PRMT7: variants seen among roughly 807,000 people sequenced by gnomAD.
PRMT7 encodes the protein protein arginine methyltransferase 7.
PRMT7 carries 75 observed loss-of-function variants against 85.4 expected under a neutral mutation model. The observed-to-expected ratio is 0.88, with a 90% confidence interval of 0.73 to 1.06. PRMT7 has a LOEUF of 1.06. Ranked by LOEUF, PRMT7 falls within the 50% of genes least tolerant of loss-of-function variation. PRMT7 has a pLI of 0.00. For missense variants in PRMT7, 868 were observed against 915.2 expected, an observed-to-expected ratio of 0.95 and a Z score of 0.67; for synonymous variants, 397 against 359.5, an observed-to-expected ratio of 1.10 and a Z score of -1.18.
chr16:68,315,788 C>T (rs546112974), intron 2 of PRMT7, 109 bp from the exon 3 acceptor site: 23 of 587,654 alleles, frequency 3.9e-5, no homozygotes, highest in Admixed American at 3.1e-4. Context: ...TTTTTTTCCC[C>T]GCTTTTGTCT....
chr16:68,312,254 ACT>A (rs2043942897), intron 2 of PRMT7, 78 bp downstream of exon 2: 1 of 141,760 alleles, frequency 7.1e-6, no homozygotes, highest in Non-Finnish European at 1.5e-5. Flanking sequence ...ACAGGGTCTC[ACT>A]CTGTCACCCA....
At chr16:68,316,287 G>T (rs1484705596) in intron 3 of PRMT7, among the ~76,000 whole-genome samples, 1 of 152,174 alleles carries the variant, frequency 6.6e-6, no homozygotes, top group Non-Finnish European at 1.5e-5. Context: ...TTATGTAGCA[G>T]CCTTAGCAGA....
At chr16:68,348,681 C>T (rs1484786333) in intron 14 of PRMT7, among the ~76,000 whole-genome samples, 8 of 126,440 alleles carry the variant, frequency 6.3e-5, no homozygotes, top group Admixed American at 1.0e-4. Flanking sequence ...CTCGCGCTGT[C>T]GTCCAGGCTG....
At chr16:68,345,929 AT>A in intron 10 of PRMT7, 127 bp downstream of exon 10, 1 of 1,434,534 alleles carries the variant, frequency 7.0e-7, no homozygotes, top group East Asian at 2.3e-5. Context: ...AAGAACAAAG[AT>A]TTGTGACCAG....
chr16:68,324,475 T>C (rs1391935953), intron 4 of PRMT7: 5 of 593,034 alleles, frequency 8.4e-6, no homozygotes, highest in Non-Finnish European at 1.5e-5. Context: ...GAAGAGTGAG[T>C]GTGGAGCAGG....
intron 5 of PRMT7, chr16:68,328,050 AATT>A: frequency 5.0e-6 from 1 of 200,862 alleles, no homozygotes; most frequent in Non-Finnish European, 1.1e-5. Context: ...TTAATTTATA[AATT>A]ATTATTTATA....
chr16:68,338,006 G>C (rs1337568634), intron 7 of PRMT7, among the ~76,000 whole-genome samples: 2 of 152,126 alleles, frequency 1.3e-5, no homozygotes, highest in African/African-American at 4.8e-5. Flanking sequence ...CTTAGCAACT[G>C]AGGCTAGAGA....
chr16:68,352,497 A>G lies in PRMT7; in HGVS notation c.1575+88A>G, dbSNP rs544914393. 3.6e-3 allele frequency: 4,858 copies of G among 1,355,186 alleles called. 24 individuals carry two copies. The highest frequency in any genetic ancestry group is 4.1e-3 in the Non-Finnish European group (4,083 of 1,000,128). 83.9% of individuals were successfully genotyped at this position (1,355,186 alleles called of 1,614,324 possible). On this transcript the variant is annotated intron_variant, in intron 15 of 18. Coordinates refer to ENST00000441236, the MANE Select transcript of PRMT7 (RefSeq NM_019023.5). ...TTGCAGGAACCTTGGGTGCCTGTAGAGCGGCTCAGGCCTTGATGATTTGAG... is the reference window on the plus strand; with the variant it reads ...TTGCAGGAACCTTGGGTGCCTGTAGGGCGGCTCAGGCCTTGATGATTTGAG...
chr16:68,333,558 C>T (rs1166291544), intron 6 of PRMT7, among the ~76,000 whole-genome samples: 13 of 151,868 alleles, frequency 8.6e-5, no homozygotes, highest in Non-Finnish European at 1.5e-5. Flanking sequence ...CCAGGCCTCA[C>T]ACAGTCCTTC....
intron 6 of PRMT7, among the ~76,000 whole-genome samples, chr16:68,336,731 T>A (rs552671053): frequency 3.3e-5 from 5 of 152,298 alleles, no homozygotes. Flanking sequence ...TTTGGGTGTG[T>A]GTTTTTTTTG....
At chr16:68,355,619 C>T in intron 16 of PRMT7, 104 bp from the exon 17 acceptor site, 2 of 1,226,222 alleles carry the variant, frequency 1.6e-6, no homozygotes, top group Non-Finnish European at 2.1e-6. Flanking sequence ...TGGGAGAACG[C>T]ACACCCCTTG....
In PRMT7 at chr16:68,347,630, G is replaced by A. The variant is rs886039897; in HGVS notation, c.1276-1G>A. On this transcript the variant is annotated splice_acceptor_variant, in intron 12 of 18. Transcript: ENST00000441236. LOFTEE classifies it high-confidence loss of function. ...AACTAATAGCGTGGTGTTCCCTCTA[G>A]GTGTTTACAGTCGAGAGTTCAGCAG... The A allele has an allele frequency of 2.4e-5, 39 of 1,613,314 alleles. No individual in the cohort carries two copies. The highest frequency in any genetic ancestry group is 3.2e-5 in the Non-Finnish European group (38 of 1,179,282).
At chr16:68,324,925 C>G (rs143897497) in intron 5 of PRMT7, 93 bp downstream of exon 5, 4 of 1,509,438 alleles carry the variant, frequency 2.6e-6, no homozygotes, top group African/African-American at 1.4e-5. Context: ...CACAAACATT[C>G]ATGGAGTGCT....
Position 68,337,584 on chromosome 16 carries a change from G to A in PRMT7, c.504+13G>A, listed in dbSNP as rs780219003. 1.9e-6 allele frequency: 3 copies of A among 1,576,288 alleles called. No homozygotes were observed. The highest frequency in any genetic ancestry group is 1.1e-5 in the South Asian group (1 of 89,300). ...GCATCTCGTGGAGGTAGTAGACGGA[G>A]GGCTCCCTCAGACGTGTCTGTGGTC... On this transcript the variant is annotated intron_variant, in intron 7 of 18. Transcript: ENST00000441236.
intron 11 of PRMT7, among the ~76,000 whole-genome samples, chr16:68,346,852 C>T (rs557663440): frequency 6.6e-6 from 1 of 152,166 alleles, no homozygotes; most frequent in Non-Finnish European, 1.5e-5. Flanking sequence ...GCATCCTTGC[C>T]TTTGGGCAGT....
intron 6 of PRMT7, among the ~76,000 whole-genome samples, chr16:68,335,109 T>G (rs2084468256): frequency 6.6e-6 from 1 of 152,246 alleles, no homozygotes; most frequent in African/African-American, 2.4e-5. Flanking sequence ...TGATTTTTAT[T>G]TTAATGAAGC....
intron 3 of PRMT7, 101 bp downstream of exon 3, chr16:68,316,175 G>A (rs902979262): frequency 3.3e-5 from 34 of 1,029,308 alleles, no homozygotes; most frequent in Middle Eastern, 2.8e-4. Context: ...CTGTCACCCA[G>A]TGCTTATGAT....
chr16:68,322,823 G>T (rs975307532), intron 4 of PRMT7, among the ~76,000 whole-genome samples: 1 of 152,056 alleles, frequency 6.6e-6, no homozygotes, highest in African/African-American at 2.4e-5. Flanking sequence ...ACGGGGTCAG[G>T]AGATCGAGAC....
intron 2 of PRMT7, among the ~76,000 whole-genome samples, chr16:68,312,765 G>A (rs2044093152): frequency 6.6e-6 from 1 of 152,208 alleles, no homozygotes; most frequent in African/African-American, 2.4e-5. Context: ...GAGAAGGTGT[G>A]TAGTGCCCAC....
Sources: gnomAD v4.1 joint callset for allele counts (sites outside exome capture counted in the v4.1 genomes callset) on GRCh38, gnomAD v4.1.1 for gene constraint, MANE v1.5 for transcripts, NCBI Gene and HGNC (gene_info 2026-07-23, HGNC 2026-07-21) for gene names.